PYGL: variants seen among roughly 807,000 people sequenced by gnomAD.
PYGL encodes the protein glycogen phosphorylase, liver form.
In PYGL, 90 loss-of-function variants were observed where a neutral mutation model predicts 100.1. The observed-to-expected ratio is 0.90, with a 90% CI of 0.76 to 1.07. The LOEUF (loss-of-function observed/expected upper bound fraction) is 1.07. Among genes scored for constraint, PYGL ranks in the 50% least tolerant of loss-of-function variants. The pLI, the probability that PYGL is intolerant of heterozygous loss-of-function variation, is 0.00. For missense variants in PYGL, 1,016 were observed against 1,057.6 expected, an observed-to-expected ratio of 0.96 and a Z score of 0.55; for synonymous variants, 373 against 393.0, an observed-to-expected ratio of 0.95 and a Z score of 0.60.
At position 50,931,028 on chromosome 14, in the gene PYGL, A is replaced by T. The variant is rs551795478; in HGVS notation, c.528+645T>A. On this transcript the variant is annotated intron_variant, in intron 4 of 19. Transcript: ENST00000216392. ...CAAATTTCTATGGGGCAGTGTAATT[A>T]TACATATTAAATGTGTGCCAGATTT... Among the ~76,000 whole-genome samples, 3 of 152,294 alleles carry T rather than the reference A, an allele frequency of 2.0e-5. No homozygotes were observed. The South Asian group carries it at 6.2e-4, about 32-fold the overall frequency.
chr14:50,923,990 C>A lies in PYGL; in HGVS notation c.639G>T (p.Gly213=), dbSNP rs759071018. The A allele has an allele frequency of 1.9e-6, 3 of 1,613,898 alleles. No individual in the cohort carries two copies. In the South Asian group the frequency reaches 3.3e-5, roughly 18 times the overall value. ...FYGKVEHTNT[G]TKWIDTQVVL... is the part of the protein sequence containing the mutation. ...ATACTTGAGTGTCAATCCACTTGGTCCCGGTGTTGGTGTGTTCTACTTTTC... is the reference window on the plus strand; with the variant it reads ...ATACTTGAGTGTCAATCCACTTGGTACCGGTGTTGGTGTGTTCTACTTTTC... Residue 213 remains glycine, a synonymous_variant, in exon 5 of 20, where the codon GGG becomes GGT. Transcript: ENST00000216392.
In PYGL at chr14:50,942,514, G is replaced by A. The variant is rs547894003; in HGVS notation, c.243+1647C>T. On this transcript the variant is annotated intron_variant, in intron 1 of 19. Transcript: ENST00000216392. ...TGGTGTACTTAGTAGCATTCCCTTT[G>A]TGTAAATAAATTTTTAAAAGATAGT... Among the ~76,000 whole-genome samples the A allele has an allele frequency of 6.4e-5, 9 of 140,102 alleles. 2 individuals are homozygous for A. The highest frequency in any genetic ancestry group is 2.2e-4 in the African/African-American group (9 of 40,512). 91.9% of individuals were successfully genotyped at this position (140,102 alleles called of 152,430 possible).
chr14:50,914,578 C>T, intron 12 of PYGL, 123 bp downstream of exon 12: 1 of 744,186 alleles, frequency 1.3e-6, no homozygotes. Context: ...TCCTGTGTGA[C>T]TGCACAAACC....
intron 16 of PYGL, 57 bp from the exon 17 acceptor site, chr14:50,910,159 G>C: frequency 6.6e-7 from 1 of 1,518,664 alleles, no homozygotes; most frequent in Non-Finnish European, 9.1e-7. Context: ...TGCTTGTATT[G>C]TATTGAAGCA....
In PYGL at chr14:50,915,318, A is replaced by T; in HGVS notation, c.1403+18T>A. The stretch of plus-strand genomic sequence containing the variant: ...ATGGATCAGTGTCAGACCCACTGCC[A>T]GAGTAATGGAGGCTCACACTTTAGT... On this transcript the variant is annotated intron_variant, in intron 11 of 19. Coordinates refer to ENST00000216392, the MANE Select transcript of PYGL (RefSeq NM_002863.5). 2 of 1,613,688 alleles carry T rather than the reference A, an allele frequency of 1.2e-6. No individual in the cohort carries two copies. Among genetic ancestry groups the T allele is most frequent in the Non-Finnish European group, 1.7e-6 (2 of 1,179,558 alleles).
At chr14:50,919,680 TG>T (rs1386645192) in intron 7 of PYGL, among the ~76,000 whole-genome samples, 1 of 152,060 alleles carries the variant, frequency 6.6e-6, no homozygotes, top group Non-Finnish European at 1.5e-5. Context: ...TGTGTGTGTG[TG>T]TGTGTGTGTG....
rs2050322533 is a variant in PYGL at position 50,905,437 on chromosome 14, T to C, written c.2499A>G (p.Leu833=). ...QNIWNVEPSD[L]KISLSNESNK... is the part of the protein sequence containing the mutation. ...TAGATTCATTGGATAGAGAAATCTT[T>C]AGATCTGAAGGTTCCACGTTCCAGA... Residue 833 remains leucine (L), a synonymous_variant, in exon 20 of 20, where the codon CTA becomes CTG. Transcript: ENST00000216392. 3.7e-6 allele frequency: 6 copies of C among 1,613,868 alleles called. No individual in the cohort carries two copies. In the East Asian group the frequency reaches 6.7e-5, roughly 18 times the overall value.
rs1566517954 is a variant in PYGL, at chr14:50,944,292, A to C, written c.112T>G (p.Phe38Val). 6.2e-7 allele frequency: 1 copy of C among 1,614,014 alleles called. No homozygotes were observed. Among genetic ancestry groups the C allele is most frequent in the Non-Finnish European group, 8.5e-7 (1 of 1,179,904 alleles). ...ACGTTGCGGTCCTTGACCAGCGTGAAGTGCAGGTGCCGGTTGAAACTCTTC... is the reference window on the plus strand; with the variant it reads ...ACGTTGCGGTCCTTGACCAGCGTGACGTGCAGGTGCCGGTTGAAACTCTTC... The part of the protein sequence containing the change: ...LKKSFNRHLH[F>V]TLVKDRNVAT... The change falls in exon 1 of 20, where the codon TTC becomes GTC. Residue 38 changes from phenylalanine to valine, a missense_variant. Physicochemically the swap from Phe to Val is conservative, Grantham distance 50. Transcript: ENST00000216392.
At chr14:50,940,807 T>C (rs543964497) in intron 1 of PYGL, among the ~76,000 whole-genome samples, 1 of 152,258 alleles carries the variant, frequency 6.6e-6, no homozygotes, top group African/African-American at 2.4e-5. Flanking sequence ...CAAATATTTT[T>C]AAATTGTATG....
At position 50,915,475 on chromosome 14, in the gene PYGL, C is replaced by G. The variant is rs144167972; in HGVS notation, c.1264G>C (p.Asp422His). 3 of 1,614,060 alleles carry G rather than the reference C, an allele frequency of 1.9e-6. No homozygotes were observed. In the African/African-American group the frequency reaches 4.0e-5, roughly 22 times the overall value. The change falls in exon 11 of 20, where the codon GAT (aspartate) becomes CAT (histidine). Residue 422 changes from aspartate to histidine, a missense_variant. Physicochemically the swap from Asp to His is moderately conservative, Grantham distance 81. Coordinates refer to ENST00000216392, the MANE Select transcript of PYGL (RefSeq NM_002863.5). ...LDRIVALFPKDVDRLRRMSLI... is the reference protein window; with the variant it reads ...LDRIVALFPKHVDRLRRMSLI... ...GACATCCTTCTCAGACGGTCCACAT[C>G]TTTAGGAAACAAGGCCACAATTCTC...
intron 2 of PYGL, among the ~76,000 whole-genome samples, chr14:50,937,511 G>T (rs1253854322): frequency 6.6e-6 from 1 of 152,200 alleles, no homozygotes; most frequent in Non-Finnish European, 1.5e-5. Flanking sequence ...GATTGCAAAA[G>T]AAAATTCTCA....
chr14:50,928,395 G>A (rs2139187618), intron 4 of PYGL, among the ~76,000 whole-genome samples: 1 of 152,246 alleles, frequency 6.6e-6, no homozygotes, highest in African/African-American at 2.4e-5. Context: ...ACGCATGACT[G>A]GCTATTACGA....
Position 50,913,037 on chromosome 14 carries a change from C to A in PYGL, c.1612G>T (p.Val538Leu). The stretch of plus-strand genomic sequence containing the variant: ...ACACCTGGAAGGCTCACCTGCTTCA[C>A]CTTGGCGAGTTCCCGGAGGAAGACA... The part of the protein sequence containing the change: ...DDVFLRELAK[V>L]KQENKLKFSQ... The change falls in exon 13 of 20, where the codon GTG becomes TTG. Residue 538 changes from valine (V) to leucine (L), a missense_variant. By Grantham distance (32) the Val-to-Leu change is conservative. Transcript: ENST00000216392. The A allele has an allele frequency of 6.2e-7, 1 of 1,613,926 alleles. No homozygotes were observed. The highest frequency in any genetic ancestry group is 8.5e-7 in the Non-Finnish European group (1 of 1,179,822).
intron 9 of PYGL, 38 bp downstream of exon 9, chr14:50,916,604 T>C: frequency 6.5e-7 from 1 of 1,546,936 alleles, no homozygotes; most frequent in South Asian, 1.1e-5. Flanking sequence ...GCAGCCATTC[T>C]GGTTAATTAA....
At chr14:50,925,745 A>C (rs576325801) in intron 4 of PYGL, among the ~76,000 whole-genome samples, 37 of 152,354 alleles carry the variant, frequency 2.4e-4, no homozygotes, top group African/African-American at 8.9e-4. Context: ...CTACCAGTGT[A>C]ATGATGAATG....
chr14:50,908,335 A>G lies in PYGL; in HGVS notation c.2315T>C (p.Phe772Ser), dbSNP rs1173295278. The change falls in exon 19 of 20, where the codon TTT (phenylalanine) becomes TCT (serine). Residue 772 changes from phenylalanine (F) to serine (S), a missense_variant and splice_region_variant. By Grantham distance (155) the Phe-to-Ser change is radical. Transcript: ENST00000216392. ...GGCTTCGTAGTCTGCAAAGACTTTAAACCTTTTATTTTGTGAGTGGAAGAG... is the reference window on the plus strand; with the variant it reads ...GGCTTCGTAGTCTGCAAAGACTTTAGACCTTTTATTTTGTGAGTGGAAGAG... ...IINMLFYHDRFKVFADYEAYV... is the reference protein window; with the variant it reads ...IINMLFYHDRSKVFADYEAYV... 1 of 1,594,750 alleles carries G rather than the reference A, an allele frequency of 6.3e-7. No homozygotes were observed. The highest frequency in any genetic ancestry group is 8.6e-7 in the Non-Finnish European group (1 of 1,162,370).
intron 4 of PYGL, among the ~76,000 whole-genome samples, chr14:50,925,241 C>G (rs189707974): frequency 6.6e-6 from 1 of 152,252 alleles, no homozygotes; most frequent in Admixed American, 6.5e-5. Context: ...AGTAAAAATT[C>G]AGTATAAAAC....
chr14:50,929,767 A>G (rs2050586963), intron 4 of PYGL, among the ~76,000 whole-genome samples: 1 of 152,234 alleles, frequency 6.6e-6, no homozygotes, highest in Non-Finnish European at 1.5e-5. Context: ...TAGGCTCTCA[A>G]CATGGAACTC....
chr14:50,942,269 C>T lies in PYGL; in HGVS notation c.243+1892G>A, dbSNP rs184321741. 2.6e-3 allele frequency among the ~76,000 whole-genome samples: 253 copies of T among 98,550 alleles called. 29 individuals carry two copies. The highest frequency in any genetic ancestry group is 6.7e-3 in the African/African-American group (233 of 34,678). The allele number at this position is 98,550 out of a possible 152,430, so 64.7% of individuals were successfully genotyped here. The stretch of plus-strand genomic sequence containing the variant: ...CGTCGGAATTCCTGGCTTATATCTG[C>T]ACTCACGTAGAAAAGGAGAGCCCAG... On this transcript the variant is annotated intron_variant, in intron 1 of 19. Coordinates refer to ENST00000216392, the MANE Select transcript of PYGL (RefSeq NM_002863.5).
Sources: gnomAD v4.1 joint callset for allele counts (sites outside exome capture counted in the v4.1 genomes callset) on GRCh38, gnomAD v4.1.1 for gene constraint, MANE v1.5 for transcripts, NCBI Gene and HGNC (gene_info 2026-07-23, HGNC 2026-07-21) for gene names.